MCC: variants seen among roughly 807,000 people sequenced by gnomAD.
The protein encoded by MCC is MCC regulator of Wnt signaling pathway.
A neutral mutation model predicts 116.2 loss-of-function variants in MCC; 90 were observed. The observed-to-expected ratio is 0.77, with a 90% CI of 0.65 to 0.92. MCC has a LOEUF of 0.92. Ranked by LOEUF, MCC falls within the 40% of genes least tolerant of loss-of-function variation. The pLI, the probability that MCC is intolerant of heterozygous loss-of-function variation, is 0.00. For missense variants in MCC, 1,516 were observed against 1,312.2 expected (o/e 1.16, Z -2.40); for synonymous variants, 578 against 510.5 (o/e 1.13, Z -1.78).
chr5:113,299,548 A>T (rs1766806138), intron 3 of MCC, among the ~76,000 whole-genome samples: 1 of 152,214 alleles, frequency 6.6e-6, no homozygotes, highest in South Asian at 2.1e-4. Flanking sequence ...CGTTAGAAAC[A>T]TATGGACCAA....
At chr5:113,230,123 G>A (rs1763889490) in intron 3 of MCC, among the ~76,000 whole-genome samples, 1 of 152,228 alleles carries the variant, frequency 6.6e-6, no homozygotes, top group South Asian at 2.1e-4. Flanking sequence ...CCATTGTAGA[G>A]TTAAATTGCC....
rs1415076248 is a variant in MCC at position 113,455,726 on chromosome 5, AG to A, written c.170+32518del. ...CATGTATAATGAACCAAACATAATC[AG>A]CCCCAAATATGAGCAATCATACTAA... is the stretch of plus-strand genomic sequence containing the variant. On this transcript the variant is annotated intron_variant, in intron 1 of 18. Transcript: ENST00000408903. Among the ~76,000 whole-genome samples, 19 of 152,368 alleles carry A rather than the reference AG, an allele frequency of 1.2e-4. No homozygotes were observed. The Middle Eastern group carries it at 0.01, about 82-fold the overall frequency.
intron 3 of MCC, among the ~76,000 whole-genome samples, chr5:113,246,795 C>G (rs1442650088): frequency 6.6e-6 from 1 of 152,162 alleles, no homozygotes; most frequent in African/African-American, 2.4e-5. Context: ...GTTTAATCAT[C>G]ACAACAGGGA....
chr5:113,149,885 C>G (rs545355972), intron 4 of MCC, among the ~76,000 whole-genome samples: 1 of 152,140 alleles, frequency 6.6e-6, no homozygotes, highest in Admixed American at 6.5e-5. Context: ...GCTGATGTAT[C>G]TGAGAACTGG....
intron 9 of MCC, among the ~76,000 whole-genome samples, 175 bp downstream of exon 9, chr5:113,084,989 A>G (rs925686421): frequency 2.6e-5 from 4 of 152,190 alleles, no homozygotes; most frequent in African/African-American, 9.7e-5. Context: ...ACTTAAAACT[A>G]TTAGTGGGTT....
chr5:113,131,038 T>A (rs74893734), intron 5 of MCC, among the ~76,000 whole-genome samples: 3,433 of 152,220 alleles, frequency 0.023, 67 homozygotes, highest in Non-Finnish European at 0.035. Context: ...GGAACCACAG[T>A]TCAGTTCATA....
chr5:113,227,456 C>G (rs376633438), intron 3 of MCC, among the ~76,000 whole-genome samples: 1 of 152,138 alleles, frequency 6.6e-6, no homozygotes, highest in South Asian at 2.1e-4. Context: ...TATAGTAACT[C>G]GAATTATTTA....
At chr5:113,083,538 T>G (rs746318049) in intron 10 of MCC, among the ~76,000 whole-genome samples, 1 of 152,218 alleles carries the variant, frequency 6.6e-6, no homozygotes, top group African/African-American at 2.4e-5. Flanking sequence ...TCTCTAAGCC[T>G]CATCCCCAAT....
At chr5:113,065,596 G>A (rs779366998) in intron 13 of MCC, among the ~76,000 whole-genome samples, 5 of 152,152 alleles carry the variant, frequency 3.3e-5, no homozygotes, top group South Asian at 2.1e-4. Flanking sequence ...CCCCACTGCC[G>A]AGGCCCAGAG....
intron 1 of MCC, among the ~76,000 whole-genome samples, chr5:113,474,182 A>T (rs996868245): frequency 9.9e-5 from 15 of 152,234 alleles, no homozygotes; most frequent in African/African-American, 3.4e-4. Context: ...GAGGTTACAA[A>T]GGCAAAAGAA....
chr5:113,306,731 A>G (rs1160853248), intron 3 of MCC, among the ~76,000 whole-genome samples: 1 of 151,940 alleles, frequency 6.6e-6, no homozygotes, highest in East Asian at 1.9e-4. Context: ...ATGAAGTCCA[A>G]TTTATCTATT....
chr5:113,082,710 C>G, intron 11 of MCC, 150 bp downstream of exon 11: 3 of 902,152 alleles, frequency 3.3e-6, no homozygotes, highest in South Asian at 3.5e-5. Context: ...CTCTGATGAC[C>G]AAGGTGGTAG....
rs1275670172 is a variant in MCC, at chr5:113,273,847, C to G, written c.627+66672G>C. 2.0e-5 allele frequency among the ~76,000 whole-genome samples: 3 copies of G among 152,106 alleles called. No individual in the cohort carries two copies. The East Asian group carries it at 5.8e-4, about 29-fold the overall frequency. On this transcript the variant is annotated intron_variant, in intron 3 of 18. Coordinates refer to ENST00000408903, the MANE Select transcript of MCC (RefSeq NM_001085377.2). Reference sequence around the variant, plus strand: ...AAAAAAAACAGTGAGCAATATCAAGCCTGGATAGGTTAAAAAGCATTATGC... The same window carrying G: ...AAAAAAAACAGTGAGCAATATCAAGGCTGGATAGGTTAAAAAGCATTATGC...
At chr5:113,140,718 A>T (rs1045563900) in intron 5 of MCC, among the ~76,000 whole-genome samples, 5 of 152,184 alleles carry the variant, frequency 3.3e-5, no homozygotes, top group Admixed American at 6.5e-5. Flanking sequence ...AGCTTCTCCA[A>T]TAAATTCTTA....
chr5:113,397,112 A>T (rs900013663), intron 1 of MCC, among the ~76,000 whole-genome samples: 1 of 152,232 alleles, frequency 6.6e-6, no homozygotes, highest in Non-Finnish European at 1.5e-5. Context: ...TGTAGTCTGG[A>T]AACACATGTG....
chr5:113,276,400 T>C (rs1401840356), intron 3 of MCC, among the ~76,000 whole-genome samples: 1 of 152,194 alleles, frequency 6.6e-6, no homozygotes, highest in East Asian at 1.9e-4. Flanking sequence ...TTTTCTTCTT[T>C]AACGTCAGAC....
chr5:113,349,430 A>G (rs1309611510), intron 2 of MCC, among the ~76,000 whole-genome samples: 2 of 152,146 alleles, frequency 1.3e-5, no homozygotes, highest in Non-Finnish European at 2.9e-5. Flanking sequence ...TATCAACTGA[A>G]TGAAGCACAA....
chr5:113,252,348 A>C (rs1372158099), intron 3 of MCC, among the ~76,000 whole-genome samples: 5 of 152,192 alleles, frequency 3.3e-5, no homozygotes, highest in African/African-American at 9.6e-5. Flanking sequence ...ATCACTCACT[A>C]ACTGAGCTCT....
At chr5:113,346,369 A>T (rs535256301) in intron 2 of MCC, among the ~76,000 whole-genome samples, 1 of 152,124 alleles carries the variant, frequency 6.6e-6, no homozygotes, top group East Asian at 1.9e-4. Context: ...AGGCCGAGGT[A>T]GGTGGATCAC....
Sources: gnomAD v4.1 joint callset for allele counts (sites outside exome capture counted in the v4.1 genomes callset) on GRCh38, gnomAD v4.1.1 for gene constraint, MANE v1.5 for transcripts, NCBI Gene and HGNC (gene_info 2026-07-23, HGNC 2026-07-21) for gene names.